The following NBEA variants were observed in gnomAD, a reference collection of about 807,000 sequenced individuals.
NBEA encodes neurobeachin.
In NBEA, 44 loss-of-function variants were observed where a neutral mutation model predicts 343.4. That is an observed-to-expected ratio of 0.13 (90% confidence interval 0.10 to 0.16). The LOEUF (loss-of-function observed/expected upper bound fraction) is 0.16, where lower values mean the gene tolerates loss of function less well. Among genes scored for constraint, NBEA ranks in the 10% least tolerant of loss-of-function variants. The pLI is 1.00. For synonymous variants in NBEA, 1,175 were observed against 1,238.7 expected (o/e 0.95, Z 1.08); for missense variants, 2,555 against 3,631.3 (o/e 0.70, Z 7.62).
chr13:34,953,912 A>G lies in NBEA; in HGVS notation c.294+10798A>G, dbSNP rs1258304817. 5.9e-5 allele frequency among the ~76,000 whole-genome samples: 9 copies of G among 152,320 alleles called. No individual in the cohort carries two copies. The South Asian group carries it at 1.4e-3, about 25-fold the overall frequency. Reference sequence around the variant, plus strand: ...TTCTCAAAGGAGAGCAAACCCTATCATGAACTGCGCAAGCAAGGGATCTAG... The same window carrying G: ...TTCTCAAAGGAGAGCAAACCCTATCGTGAACTGCGCAAGCAAGGGATCTAG... On this transcript the variant is annotated intron_variant, in intron 1 of 58. Transcript: ENST00000379939.
chr13:35,654,730 T>C, intron 53 of NBEA, 125 bp from the exon 54 acceptor site: 1 of 684,194 alleles, frequency 1.5e-6, no homozygotes, highest in Non-Finnish European at 2.3e-6. Context: ...ATCTTAATAA[T>C]CTCATACCAT....
chr13:35,389,514 A>G (rs1334848702), intron 38 of NBEA, among the ~76,000 whole-genome samples: 1 of 152,142 alleles, frequency 6.6e-6, no homozygotes, highest in Non-Finnish European at 1.5e-5. Flanking sequence ...AAAAAATGCT[A>G]AAATACCTCA....
At chr13:35,024,035 A>T (rs541101355) in intron 1 of NBEA, among the ~76,000 whole-genome samples, 1 of 151,876 alleles carries the variant, frequency 6.6e-6, no homozygotes, top group Non-Finnish European at 1.5e-5. Flanking sequence ...GTCCACATGC[A>T]CTCCATGTTT....
At chr13:35,630,882 G>A (rs551722057) in intron 49 of NBEA, among the ~76,000 whole-genome samples, 2 of 152,212 alleles carry the variant, frequency 1.3e-5, no homozygotes, top group South Asian at 4.1e-4. Context: ...ATTTAGTACA[G>A]TGTAGACATA....
At chr13:35,625,522 G>A (rs1163213530) in intron 48 of NBEA, among the ~76,000 whole-genome samples, 2 of 152,114 alleles carry the variant, frequency 1.3e-5, no homozygotes, top group Non-Finnish European at 2.9e-5. Flanking sequence ...CTACTCGGGA[G>A]GCTGAGATGG....
At chr13:35,058,574 A>G in intron 7 of NBEA, 143 bp from the exon 8 acceptor site, 1 of 684,152 alleles carries the variant, frequency 1.5e-6, no homozygotes. Context: ...ATTTATTATT[A>G]AAATAATAAA....
chr13:35,168,292 T>C (rs545917401), intron 24 of NBEA, among the ~76,000 whole-genome samples: 1 of 151,742 alleles, frequency 6.6e-6, no homozygotes, highest in East Asian at 1.9e-4. Context: ...TGAAAACTAA[T>C]TCTATCTGAT....
intron 1 of NBEA, among the ~76,000 whole-genome samples, chr13:34,995,279 C>G (rs2060900145): frequency 6.6e-6 from 1 of 151,848 alleles, no homozygotes; most frequent in African/African-American, 2.4e-5. Flanking sequence ...ATGGTGAAAC[C>G]CCATCTGTAT....
chr13:35,428,155 T>G (rs529389571), intron 38 of NBEA, among the ~76,000 whole-genome samples: 1 of 152,196 alleles, frequency 6.6e-6, no homozygotes, highest in Admixed American at 6.5e-5. Flanking sequence ...ACCCACTGTC[T>G]GGCACACCCC....
At chr13:35,418,168 C>T (rs1313242629) in intron 38 of NBEA, among the ~76,000 whole-genome samples, 3 of 152,092 alleles carry the variant, frequency 2.0e-5, no homozygotes, top group Non-Finnish European at 4.4e-5. Flanking sequence ...GAATACAGCA[C>T]ACTGATGGGT....
chr13:35,104,595 T>C (rs1489352168), intron 11 of NBEA, among the ~76,000 whole-genome samples: 1 of 151,918 alleles, frequency 6.6e-6, no homozygotes, highest in Non-Finnish European at 1.5e-5. Context: ...ACTGGCAAGG[T>C]TAGTATTAAT....
At chr13:35,359,949 C>A (rs182087438) in intron 38 of NBEA, among the ~76,000 whole-genome samples, 1 of 151,708 alleles carries the variant, frequency 6.6e-6, no homozygotes, top group African/African-American at 2.4e-5. Flanking sequence ...TATGTATTGA[C>A]GGTAACTATG....
At chr13:35,276,847 T>G (rs2034619946) in intron 34 of NBEA, among the ~76,000 whole-genome samples, 1 of 152,238 alleles carries the variant, frequency 6.6e-6, no homozygotes, top group Non-Finnish European at 1.5e-5. Context: ...CAGGTTGCTC[T>G]AAGCAAAGTC....
At chr13:35,065,578 T>TGACTA (rs2063621954) in intron 8 of NBEA, among the ~76,000 whole-genome samples, 1 of 152,100 alleles carries the variant, frequency 6.6e-6, no homozygotes. Context: ...TCCAGACACT[T>TGACTA]GACTATGCAT....
intron 41 of NBEA, among the ~76,000 whole-genome samples, chr13:35,527,838 AAC>A (rs2152996529): frequency 6.6e-6 from 1 of 152,262 alleles, no homozygotes; most frequent in South Asian, 2.1e-4. Context: ...TGCATTGCCG[AAC>A]ACACAACTTC....
At chr13:35,577,585 C>T (rs1424917197) in intron 45 of NBEA, among the ~76,000 whole-genome samples, 1 of 151,936 alleles carries the variant, frequency 6.6e-6, no homozygotes, top group African/African-American at 2.4e-5. Flanking sequence ...ATATTTTTCA[C>T]TTTGTTATGT....
chr13:35,155,920 A>C, intron 19 of NBEA, 65 bp downstream of exon 19: 1 of 1,531,126 alleles, frequency 6.5e-7, no homozygotes. Context: ...GACTAAATCA[A>C]AACTTTTCCT....
At chr13:35,594,127 G>A (rs1193108761) in intron 47 of NBEA, among the ~76,000 whole-genome samples, 1 of 151,990 alleles carries the variant, frequency 6.6e-6, no homozygotes, top group East Asian at 1.9e-4. Flanking sequence ...TCTCTCATTT[G>A]TCTCATTTTT....
At chr13:35,083,156 C>T (rs1402272424) in intron 10 of NBEA, among the ~76,000 whole-genome samples, 5 of 152,186 alleles carry the variant, frequency 3.3e-5, no homozygotes, top group East Asian at 1.9e-4. Context: ...GTTTTCCCAG[C>T]ACCATTTATT....
Sources: allele counts gnomAD v4.1 joint callset (sites outside exome capture counted in the v4.1 genomes callset), GRCh38; gene constraint gnomAD v4.1.1; transcripts MANE v1.5; gene names NCBI Gene and HGNC (gene_info 2026-07-23, HGNC 2026-07-21).